AGBL2: variants seen among roughly 807,000 people sequenced by gnomAD.
AGBL2 encodes the protein cytosolic carboxypeptidase 2.
AGBL2 carries 87 observed loss-of-function variants against 103.0 expected under a neutral mutation model. The observed-to-expected ratio is 0.84, with a 90% CI of 0.71 to 1.01. The LOEUF (loss-of-function observed/expected upper bound fraction) is 1.01. Ranked by LOEUF, AGBL2 falls within the 50% of genes least tolerant of loss-of-function variation. The probability of loss-of-function intolerance (pLI) is 0.00; values close to 1 mark genes in which losing one functional copy is unlikely to be tolerated. For missense variants in AGBL2, 904 were observed against 1,023.5 expected, an observed-to-expected ratio of 0.88 and a Z score of 1.59; for synonymous variants, 335 against 356.7, an observed-to-expected ratio of 0.94 and a Z score of 0.69.
chr11:47,670,090 G>C (rs1385390376), intron 14 of AGBL2, among the ~76,000 whole-genome samples: 1 of 152,356 alleles, frequency 6.6e-6, no homozygotes, highest in Non-Finnish European at 1.5e-5. Flanking sequence ...GCCCTTGGTG[G>C]AGGTTGTGAG....
rs1003922420 is a variant in AGBL2 at position 47,699,313 on chromosome 11, C to T, written c.694+133G>A. On this transcript the variant is annotated intron_variant, in intron 8 of 18. Coordinates refer to ENST00000525123, the MANE Select transcript of AGBL2 (RefSeq NM_024783.4). The stretch of plus-strand genomic sequence containing the variant: ...GACTGGTTATGACTCCTCCTCCAGG[C>T]TCCCACTCATGTTGGCCTGGAAAAG... 3.3e-5 allele frequency: 16 copies of T among 491,448 alleles called. 1 individual carries two copies. Among genetic ancestry groups the T allele is most frequent in the Non-Finnish European group, 2.4e-5 (7 of 288,960 alleles). The allele number at this position is 491,448 out of a possible 1,614,324, so 30.4% of individuals were successfully genotyped here.
chr11:47,714,277 G>A lies in AGBL2; in HGVS notation c.97+7C>T. On this transcript the variant is annotated splice_region_variant and intron_variant, in intron 3 of 18. Coordinates refer to ENST00000525123, the MANE Select transcript of AGBL2 (RefSeq NM_024783.4). Reference sequence around the variant, plus strand: ...AAAGGTGATACTAGATAAGAACATGGTATTACCTTTAAAGTAGCCATAATA... The same window carrying A: ...AAAGGTGATACTAGATAAGAACATGATATTACCTTTAAAGTAGCCATAATA... The A allele has an allele frequency of 6.2e-7, 1 of 1,608,426 alleles. No individual in the cohort carries two copies.
intron 11 of AGBL2, among the ~76,000 whole-genome samples, chr11:47,683,397 A>G (rs1378564705): frequency 6.6e-6 from 1 of 152,100 alleles, no homozygotes; most frequent in African/African-American, 2.4e-5. Context: ...GGAAGGAAGG[A>G]AAGCTTCCTC....
Position 47,660,360 on chromosome 11 carries a change from AT to A in AGBL2, c.2536-15del, listed in dbSNP as rs2097324934. On this transcript the variant is annotated splice_polypyrimidine_tract_variant and intron_variant, in intron 18 of 18. Transcript: ENST00000525123. ...TGGCTTCTTATTCTGTGCAAATAAG[AT>A]TTTAAAAAGTTGAATTCAGTTTATT... 16 of 1,587,364 alleles carry A rather than the reference AT, an allele frequency of 1.0e-5. No homozygotes were observed. The highest frequency in any genetic ancestry group is 1.4e-5 in the Non-Finnish European group (16 of 1,166,526).
At chr11:47,661,615 G>C (rs924146036) in intron 18 of AGBL2, among the ~76,000 whole-genome samples, 4 of 152,078 alleles carry the variant, frequency 2.6e-5, no homozygotes, top group African/African-American at 9.7e-5. Context: ...CATCCATTGG[G>C]AGAACCATCT....
At chr11:47,666,695 ATGGATG>A in intron 17 of AGBL2, 1 of 598,074 alleles carries the variant, frequency 1.7e-6, no homozygotes, top group Non-Finnish European at 2.9e-6. Flanking sequence ...AGAGGGATGA[ATGGATG>A]GTAAGTAAGG....
At chr11:47,671,614 T>C (rs1482027922) in intron 14 of AGBL2, among the ~76,000 whole-genome samples, 2 of 152,116 alleles carry the variant, frequency 1.3e-5, no homozygotes, top group African/African-American at 2.4e-5. Context: ...TTCAAACCAT[T>C]CAGCTGCCCA....
intron 18 of AGBL2, among the ~76,000 whole-genome samples, chr11:47,662,127 A>C (rs1386473239): frequency 1.3e-5 from 2 of 152,094 alleles, no homozygotes; most frequent in African/African-American, 2.4e-5. Flanking sequence ...TATAGGGATA[A>C]ATATGAATTC....
chr11:47,665,731 C>T (rs1007123212), intron 17 of AGBL2, among the ~76,000 whole-genome samples: 17 of 152,032 alleles, frequency 1.1e-4, no homozygotes, highest in Admixed American at 1.3e-4. Context: ...TGGGTTTGGC[C>T]AGGCGTAGTG....
chr11:47,678,343 A>ATTATTTTTTTTTTTTTTTT (rs2097385523), intron 13 of AGBL2, among the ~76,000 whole-genome samples: 61 of 116,742 alleles, frequency 5.2e-4, no homozygotes, highest in South Asian at 1.8e-3. Flanking sequence ...TTATTATTTT[A>ATTATTTTTTTTTTTTTTTT]TTTTTTTTGA....
At chr11:47,700,937 T>C (rs2097496308) in intron 7 of AGBL2, among the ~76,000 whole-genome samples, 1 of 151,618 alleles carries the variant, frequency 6.6e-6, no homozygotes, top group Admixed American at 6.6e-5. Flanking sequence ...TGGGCACCTG[T>C]AATCCCAGCT....
intron 8 of AGBL2, 32 bp downstream of exon 8, chr11:47,699,414 T>C: frequency 8.9e-7 from 1 of 1,118,532 alleles, no homozygotes; most frequent in Non-Finnish European, 1.3e-6. Flanking sequence ...TTGTCATGAT[T>C]AACCATTCAT....
chr11:47,709,004 C>T (rs1265340807), intron 4 of AGBL2, among the ~76,000 whole-genome samples: 1 of 151,980 alleles, frequency 6.6e-6, no homozygotes, highest in African/African-American at 2.4e-5. Flanking sequence ...CGCCTGTAAT[C>T]CCAGATACTC....
chr11:47,675,899 G>A (rs539989688), intron 14 of AGBL2, among the ~76,000 whole-genome samples: 10 of 152,144 alleles, frequency 6.6e-5, no homozygotes, highest in African/African-American at 2.4e-4. Flanking sequence ...CCAGCTACTT[G>A]GGGAGCTGAG....
intron 8 of AGBL2, among the ~76,000 whole-genome samples, chr11:47,696,330 T>A (rs1377142468): frequency 6.6e-6 from 1 of 152,034 alleles, no homozygotes; most frequent in Non-Finnish European, 1.5e-5. Context: ...TGGTGTGATC[T>A]TGCCTCACTG....
intron 18 of AGBL2, among the ~76,000 whole-genome samples, chr11:47,660,897 G>T (rs1197941253): frequency 1.3e-5 from 2 of 152,206 alleles, no homozygotes; most frequent in Non-Finnish European, 2.9e-5. Flanking sequence ...CAGAAGGACT[G>T]CATTTTATAA....
Position 47,660,181 on chromosome 11 carries a change from A to G in AGBL2, c.2701T>C (p.Tyr901His), listed in dbSNP as rs2097324368. ...AAYPSLHIYTYP is the reference protein window; with the variant it reads ...AAYPSLHIYTHP ...GCACAGCCCAGGCTCACCTACGGGTATGTGTATATGTGCAAGGATGGGTAT... is the reference window on the plus strand; with the variant it reads ...GCACAGCCCAGGCTCACCTACGGGTGTGTGTATATGTGCAAGGATGGGTAT... The change falls in exon 19 of 19, where the codon TAC (tyrosine) becomes CAC (histidine). Residue 901 changes from tyrosine to histidine, a missense_variant. Transcript: ENST00000525123. The G allele has an allele frequency of 6.2e-7, 1 of 1,611,828 alleles. No individual in the cohort carries two copies. Among genetic ancestry groups the G allele is most frequent in the African/African-American group, 1.3e-5 (1 of 74,850 alleles).
Position 47,677,388 on chromosome 11 carries a change from A to G in AGBL2, c.2030T>C (p.Leu677Pro). 6.4e-7 allele frequency: 1 copy of G among 1,571,024 alleles called. No individual in the cohort carries two copies. The highest frequency in any genetic ancestry group is 8.6e-7 in the Non-Finnish European group (1 of 1,160,466). The stretch of plus-strand genomic sequence containing the variant: ...TCGTAAAAGCTCCTTAAGCTCTGCT[A>G]GACACTGAGTGAACTATGAAAGTGA... ...DPDQMKFTQC[L>P]AELKELLRQE... Residue 677 changes from leucine (L) to proline (P), a missense_variant, in exon 14 of 19, where the codon CTA (leucine) becomes CCA (proline). Coordinates refer to ENST00000525123, the MANE Select transcript of AGBL2 (RefSeq NM_024783.4).
At position 47,714,292 on chromosome 11, in the gene AGBL2, T is replaced by C. The variant is rs769836867; in HGVS notation, c.89A>G (p.Tyr30Cys). 1 of 1,611,560 alleles carries C rather than the reference T, an allele frequency of 6.2e-7. No individual in the cohort carries two copies. Among genetic ancestry groups the C allele is most frequent in the Non-Finnish European group, 8.5e-7 (1 of 1,178,804 alleles). Residue 30 changes from tyrosine (Y) to cysteine (C), a missense_variant, in exon 3 of 19, where the codon TAC becomes TGC. Physicochemically the swap from Tyr to Cys is radical, Grantham distance 194. Transcript: ENST00000525123. Reference protein sequence around the residue: ...FMYRHLQYYGYFKAQRGSLPN... With the variant: ...FMYRHLQYYGCFKAQRGSLPN... Reference sequence around the variant, plus strand: ...TAAGAACATGGTATTACCTTTAAAGTAGCCATAATATTGGAGGTGACGGTA... The same window carrying C: ...TAAGAACATGGTATTACCTTTAAAGCAGCCATAATATTGGAGGTGACGGTA...
Sources: allele counts gnomAD v4.1 joint callset (sites outside exome capture counted in the v4.1 genomes callset), GRCh38; gene constraint gnomAD v4.1.1; transcripts MANE v1.5; gene names NCBI Gene and HGNC (gene_info 2026-07-23, HGNC 2026-07-21).